SCN11A: variants seen among roughly 807,000 people sequenced by gnomAD.
SCN11A encodes sodium channel protein type 11 subunit alpha.
In SCN11A, 122 loss-of-function variants were observed where a neutral mutation model predicts 162.2. That is an observed-to-expected ratio of 0.75 (90% CI 0.65 to 0.87). The LOEUF (loss-of-function observed/expected upper bound fraction) is 0.87. SCN11A is among the 40% of genes least tolerant of loss of function. The pLI, the probability that SCN11A is intolerant of heterozygous loss-of-function variation, is 0.00. For synonymous variants in SCN11A, 758 were observed against 751.5 expected, an observed-to-expected ratio of 1.01 and a Z score of -0.14; for missense variants, 2,015 against 2,181.6, an observed-to-expected ratio of 0.92 and a Z score of 1.52.
chr3:38,958,183 C>A (rs1384867519), intron 3 of SCN11A, among the ~76,000 whole-genome samples: 1 of 152,212 alleles, frequency 6.6e-6, no homozygotes, highest in East Asian at 1.9e-4. Context: ...CACATGTAGC[C>A]CCCCATGGGA....
At chr3:38,955,478 C>T (rs771727387) in intron 3 of SCN11A, among the ~76,000 whole-genome samples, 9 of 152,014 alleles carry the variant, frequency 5.9e-5, no homozygotes, top group Non-Finnish European at 8.8e-5. Flanking sequence ...CAGGAAAATT[C>T]GACTGTGAAA....
intron 16 of SCN11A, among the ~76,000 whole-genome samples, chr3:38,902,171 G>A (rs981459067): frequency 1.1e-4 from 16 of 152,318 alleles, no homozygotes; most frequent in African/African-American, 3.6e-4. Flanking sequence ...GGTGGAGTCT[G>A]CTGACCATGC....
chr3:39,002,193 T>G (rs1241887144), intron 2 of SCN11A, among the ~76,000 whole-genome samples: 1 of 152,222 alleles, frequency 6.6e-6, no homozygotes, highest in Non-Finnish European at 1.5e-5. Context: ...TACCAAACTG[T>G]TTGATTACTG....
intron 28 of SCN11A, among the ~76,000 whole-genome samples, chr3:38,862,037 C>T (rs2064972354): frequency 6.6e-6 from 1 of 151,808 alleles, no homozygotes; most frequent in Admixed American, 6.6e-5. Flanking sequence ...TCAAACAAAT[C>T]ATCAAGACAA....
At chr3:38,855,409 G>A (rs1480278266) in intron 28 of SCN11A, among the ~76,000 whole-genome samples, 1 of 152,130 alleles carries the variant, frequency 6.6e-6, no homozygotes, top group Non-Finnish European at 1.5e-5. Context: ...GCCTAACCCT[G>A]CCCTCACCTG....
At chr3:39,031,230 C>G (rs2031741356) in intron 2 of SCN11A, among the ~76,000 whole-genome samples, 1 of 152,088 alleles carries the variant, frequency 6.6e-6, no homozygotes, top group African/African-American at 2.4e-5. Flanking sequence ...GTATTTAAAA[C>G]CGAGGTCTTG....
intron 2 of SCN11A, among the ~76,000 whole-genome samples, chr3:38,975,312 T>C (rs1231066067): frequency 6.6e-6 from 1 of 151,960 alleles, no homozygotes; most frequent in Non-Finnish European, 1.5e-5. Flanking sequence ...TGGATATGAA[T>C]AGGAGGATAC....
At chr3:38,875,322 G>T (rs1341271926) in intron 23 of SCN11A, among the ~76,000 whole-genome samples, 4 of 151,874 alleles carry the variant, frequency 2.6e-5, no homozygotes, top group East Asian at 3.8e-4. Context: ...AAATAAATTT[G>T]CAAGCTTTCC....
intron 11 of SCN11A, among the ~76,000 whole-genome samples, chr3:38,919,285 G>A (rs1274914746): frequency 6.6e-6 from 1 of 152,142 alleles, no homozygotes; most frequent in Non-Finnish European, 1.5e-5. Flanking sequence ...TCAGGGCTTG[G>A]CACTCTGTAG....
At chr3:38,970,881 A>C (rs556627901) in intron 2 of SCN11A, among the ~76,000 whole-genome samples, 28 of 152,248 alleles carry the variant, frequency 1.8e-4, no homozygotes, top group Non-Finnish European at 3.1e-4. Flanking sequence ...ATGCTCTTTC[A>C]GCCCCTCTGA....
At chr3:38,926,674 G>T in intron 8 of SCN11A, 129 bp downstream of exon 8, 1 of 932,782 alleles carries the variant, frequency 1.1e-6, no homozygotes, top group Non-Finnish European at 1.6e-6. Context: ...AACCAACACA[G>T]CACTCAGAGC....
intron 2 of SCN11A, among the ~76,000 whole-genome samples, chr3:39,002,342 C>T (rs1400354515): frequency 6.6e-6 from 1 of 152,208 alleles, no homozygotes; most frequent in Non-Finnish European, 1.5e-5. Context: ...ATTCTCCTTA[C>T]ATGAGCTTTG....
chr3:38,898,491 A>G (rs1376725867), intron 17 of SCN11A, among the ~76,000 whole-genome samples: 2 of 152,194 alleles, frequency 1.3e-5, no homozygotes, highest in African/African-American at 4.8e-5. Context: ...GCATTATATA[A>G]TTCAGGCCAC....
At chr3:38,887,933 C>T (rs1282043059) in intron 19 of SCN11A, among the ~76,000 whole-genome samples, 6 of 152,110 alleles carry the variant, frequency 3.9e-5, no homozygotes, top group Admixed American at 2.0e-4. Flanking sequence ...AATATAGCCA[C>T]GAATATACCT....
At chr3:38,923,470 T>C (rs1421486818) in intron 9 of SCN11A, among the ~76,000 whole-genome samples, 2 of 152,210 alleles carry the variant, frequency 1.3e-5, no homozygotes, top group Non-Finnish European at 2.9e-5. Context: ...AGCTAGCTTG[T>C]AATCTGACCC....
chr3:38,984,515 CTT>C (rs11305181), intron 2 of SCN11A, among the ~76,000 whole-genome samples: 18 of 144,508 alleles, frequency 1.2e-4, no homozygotes, highest in African/African-American at 4.0e-4. Context: ...TTGTGCTGAG[CTT>C]TTTTTTTTTT....
chr3:38,933,316 C>A (rs2066275360), intron 7 of SCN11A, among the ~76,000 whole-genome samples: 1 of 152,178 alleles, frequency 6.6e-6, no homozygotes, highest in African/African-American at 2.4e-5. Context: ...AGGCAGAGCA[C>A]CTCTCCTCCT....
At chr3:39,004,930 G>A (rs2030927325) in intron 2 of SCN11A, among the ~76,000 whole-genome samples, 1 of 152,124 alleles carries the variant, frequency 6.6e-6, no homozygotes, top group Non-Finnish European at 1.5e-5. Flanking sequence ...ATTCAGCTGG[G>A]AGCATCAGCA....
chr3:39,028,858 T>C (rs75799181), intron 2 of SCN11A, among the ~76,000 whole-genome samples: 26 of 152,288 alleles, frequency 1.7e-4, no homozygotes, highest in Non-Finnish European at 3.1e-4. Context: ...AATGTCTTCA[T>C]GAAGGCAAAG....
Sources: allele counts gnomAD v4.1 joint callset (sites outside exome capture counted in the v4.1 genomes callset), GRCh38; gene constraint gnomAD v4.1.1; transcripts MANE v1.5; gene names NCBI Gene and HGNC (gene_info 2026-07-23, HGNC 2026-07-21).